SHKBP1: variants seen among roughly 807,000 people sequenced by gnomAD.
SHKBP1 encodes the protein SH3KBP1 binding protein 1, also known as SH3KBP1-binding protein 1.
A neutral mutation model predicts 83.9 loss-of-function variants in SHKBP1; 71 were observed. That is an observed-to-expected ratio of 0.85 (90% confidence interval 0.70 to 1.03). SHKBP1 has a LOEUF of 1.03. Ranked by LOEUF, SHKBP1 falls within the 50% of genes least tolerant of loss-of-function variation. The pLI is 0.00. For synonymous variants in SHKBP1, 371 were observed against 398.0 expected (o/e 0.93, Z 0.81); for missense variants, 824 against 982.4 (o/e 0.84, Z 2.16).
chr19:40,588,833 G>T, intron 14 of SHKBP1, 54 bp downstream of exon 14: 1 of 1,593,026 alleles, frequency 6.3e-7, no homozygotes, highest in Non-Finnish European at 8.5e-7. Flanking sequence ...CCTGACCCCT[G>T]TTGACCTCCG....
chr19:40,583,270 G>A, intron 10 of SHKBP1, 128 bp from the exon 11 acceptor site: 1 of 684,804 alleles, frequency 1.5e-6, no homozygotes, highest in African/African-American at 1.8e-5. Flanking sequence ...GGCCTGGGGT[G>A]GACGGGGCTG....
intron 9 of SHKBP1, 132 bp from the exon 10 acceptor site, chr19:40,582,219 G>A: frequency 1.3e-6 from 1 of 747,736 alleles, no homozygotes; most frequent in South Asian, 1.5e-5. Context: ...ACTGTGCCCA[G>A]CCCCTGATGG....
intron 6 of SHKBP1, among the ~76,000 whole-genome samples, chr19:40,579,701 T>G (rs2081250875): frequency 6.6e-6 from 1 of 152,072 alleles, no homozygotes; most frequent in Non-Finnish European, 1.5e-5. Flanking sequence ...GGCTAGATGC[T>G]ATTGCTTGCC....
Position 40,577,298 on chromosome 19 carries a change from C to T in SHKBP1, c.140+14C>T. 6.2e-7 allele frequency: 1 copy of T among 1,613,962 alleles called. No homozygotes were observed. Among genetic ancestry groups the T allele is most frequent in the East Asian group, 2.2e-5 (1 of 44,862 alleles). On this transcript the variant is annotated intron_variant, in intron 2 of 17. Transcript: ENST00000291842. ...CTTCTTCTCCAGGTGATCGGGAGAG[C>T]GAGTTTGGGGCGAGGGTAGGAGGGA...
In SHKBP1 at chr19:40,590,531, CT is replaced by C; in HGVS notation, c.1768+113del. 2 of 1,377,214 alleles carry C rather than the reference CT, an allele frequency of 1.5e-6. No individual in the cohort carries two copies. The highest frequency in any genetic ancestry group is 2.0e-6 in the Non-Finnish European group (2 of 1,010,944). The allele number at this position is 1,377,214 out of a possible 1,614,324, so 85.3% of individuals were successfully genotyped here. On this transcript the variant is annotated intron_variant, in intron 16 of 17. Coordinates refer to ENST00000291842, the MANE Select transcript of SHKBP1 (RefSeq NM_138392.4). This position sits in a 1 kb window ranked among gnomAD's most constrained non-coding sequence, Gnocchi z 4.6. ...CTCCCAGGCCCTTGCCCTCTGACCC[CT>C]TTTCCTTTGACCCCCTCTCTGCTCC...
chr19:40,582,803 C>T (rs2081281045), intron 10 of SHKBP1, among the ~76,000 whole-genome samples: 1 of 152,014 alleles, frequency 6.6e-6, no homozygotes, highest in Non-Finnish European at 1.5e-5. Flanking sequence ...GTAATCCCAG[C>T]ACTTTGGGAG....
In SHKBP1 at chr19:40,577,545, C is replaced by A. The variant is rs1219178909; in HGVS notation, c.187-12C>A. ...TTTTACCCCATCCATCCTCTGCCCC[C>A]CTTTCCCGCAGATCTTCATCGACAG... is the stretch of plus-strand genomic sequence containing the variant. On this transcript the variant is annotated splice_polypyrimidine_tract_variant and intron_variant, in intron 3 of 17. Transcript: ENST00000291842. The A allele has an allele frequency of 6.2e-7, 1 of 1,613,980 alleles. No individual in the cohort carries two copies. Among genetic ancestry groups the A allele is most frequent in the Non-Finnish European group, 8.5e-7 (1 of 1,180,018 alleles).
Position 40,588,705 on chromosome 19 carries a change from C to G in SHKBP1, c.1418C>G (p.Pro473Arg), listed in dbSNP as rs951358614. 6.2e-7 allele frequency: 1 copy of G among 1,614,180 alleles called. No individual in the cohort carries two copies. The highest frequency in any genetic ancestry group is 8.5e-7 in the Non-Finnish European group (1 of 1,180,030). Residue 473 changes from proline to arginine, a missense_variant, in exon 14 of 18, where the codon CCA becomes CGA. This residue lies in a region of SHKBP1 where 182 missense variants were observed against 273.1 expected (regional missense o/e 0.67). Coordinates refer to ENST00000291842, the MANE Select transcript of SHKBP1 (RefSeq NM_138392.4). ...ATTTCCACCCAGCCCGGCTCCACCC[C>G]ACTCGCTTCCTTTAAGATCCTGGCT... ...GMISTQPGST[P>R]LASFKILALE... is the part of the protein sequence containing the mutation.
chr19:40,586,831 T>A lies in SHKBP1; in HGVS notation c.1223T>A (p.Val408Asp). ...GGCACCAGCTCAGGGGGCGTGCGGG[T>A]CATCGTGCAGCACCCGGAGACTGTG... is the stretch of plus-strand genomic sequence containing the variant. ...AYGTSSGGVR[V>D]IVQHPETVGS... The change falls in exon 13 of 18, where the codon GTC (valine) becomes GAC (aspartate). Residue 408 changes from valine (V) to aspartate (D), a missense_variant. Val to Asp is a radical substitution (Grantham distance 152). Coordinates refer to ENST00000291842, the MANE Select transcript of SHKBP1 (RefSeq NM_138392.4). The A allele has an allele frequency of 3.7e-6, 6 of 1,611,436 alleles. No homozygotes were observed. The highest frequency in any genetic ancestry group is 5.1e-6 in the Non-Finnish European group (6 of 1,178,390).
At position 40,583,380 on chromosome 19, in the gene SHKBP1, G is replaced by A; in HGVS notation, c.961-18G>A. 1 of 1,556,900 alleles carries A rather than the reference G, an allele frequency of 6.4e-7. No individual in the cohort carries two copies. The highest frequency in any genetic ancestry group is 8.7e-7 in the Non-Finnish European group (1 of 1,148,998). The stretch of plus-strand genomic sequence containing the variant: ...ATGGAAGGGCTCCCGGCTGCAGCCT[G>A]TCCTGCCCCACCCCCAGGTCCAGGA... On this transcript the variant is annotated intron_variant, in intron 10 of 17. Coordinates refer to ENST00000291842, the MANE Select transcript of SHKBP1 (RefSeq NM_138392.4).
At chr19:40,589,976 G>A (rs1392933095) in intron 15 of SHKBP1, among the ~76,000 whole-genome samples, 2 of 151,998 alleles carry the variant, frequency 1.3e-5, no homozygotes, top group African/African-American at 4.8e-5. Flanking sequence ...AGGCTGATAG[G>A]AGGTGGGGGA....
intron 4 of SHKBP1, 183 bp from the exon 5 acceptor site, chr19:40,577,970 CA>C: frequency 7.4e-6 from 5 of 676,450 alleles, no homozygotes; most frequent in Non-Finnish European, 1.3e-5. Context: ...CACACACACA[CA>C]CACACACACA....
At position 40,589,180 on chromosome 19, in the gene SHKBP1, TGAGGACAGTCCTGTCCAACAGGGAGG is replaced by T. The variant is rs528660073; in HGVS notation, c.1589+33_1589+58del. ...GCGTCTCTCATCTACTGGGCAGCGG[TGAGGACAGTCCTGTCCAACAGGGAGG>T]GAGGACAGTCCTGTCCAACAGGGAG... On this transcript the variant is annotated splice_donor_5th_base_variant and intron_variant, in intron 15 of 17. Coordinates refer to ENST00000291842, the MANE Select transcript of SHKBP1 (RefSeq NM_138392.4). 0.4 allele frequency: 619,103 copies of T among 1,559,632 alleles called. 134,814 individuals are homozygous for T. Among genetic ancestry groups the T allele is most frequent in the African/African-American group, 0.52 (37,356 of 72,414 alleles).
intron 13 of SHKBP1, 62 bp downstream of exon 13, chr19:40,587,006 GGAGGATGAGAA>G: frequency 6.9e-7 from 1 of 1,457,750 alleles, no homozygotes; most frequent in Non-Finnish European, 9.3e-7. Flanking sequence ...TGTGGAGACA[GGAGGATGAGAA>G]TTTCCACTGG....
intron 15 of SHKBP1, among the ~76,000 whole-genome samples, chr19:40,589,694 GAGC>G (rs2081341906): frequency 6.6e-6 from 1 of 151,962 alleles, no homozygotes. Flanking sequence ...AAGTAGGAAG[GAGC>G]AGAAGAAAGA....
rs564532408 is a variant in SHKBP1, at chr19:40,581,003, C to T, written c.844+67C>T. 36 of 1,429,084 alleles carry T rather than the reference C, an allele frequency of 2.5e-5. No homozygotes were observed. In the African/African-American group the frequency reaches 4.4e-4, roughly 18 times the overall value. 88.5% of individuals were successfully genotyped at this position (1,429,084 alleles called of 1,614,324 possible). A position where few individuals can be genotyped will look rare whatever the true frequency, so the allele number is the denominator to read the frequency against. The stretch of plus-strand genomic sequence containing the variant: ...TTCTACTGCCTGTTAAAATGACCCA[C>T]CCCATAAAATCCTCAAACCCATAAG... On this transcript the variant is annotated intron_variant, in intron 9 of 17. Transcript: ENST00000291842.
rs199869901 is a variant in SHKBP1 at position 40,585,107 on chromosome 19, C to CT, written c.1165+1396dup. ...TGTATGGTGTGAAGCAGGGATTATT[C>CT]TTTTTTAAAAAAAAATAGAGACAGG... On this transcript the variant is annotated intron_variant, in intron 12 of 17. Transcript: ENST00000291842. 1.1e-3 allele frequency among the ~76,000 whole-genome samples: 166 copies of CT among 151,518 alleles called. 1 individual carries two copies. In the East Asian group the frequency reaches 0.03, roughly 28 times the overall value.
Position 40,580,470 on chromosome 19 carries a change from C to T in SHKBP1, c.547C>T (p.Pro183Ser), listed in dbSNP as rs1198025192. Residue 183 changes from proline to serine, a missense_variant, in exon 7 of 18, where the codon CCT (proline) becomes TCT (serine). Pro to Ser is a moderately conservative substitution (Grantham distance 74, BLOSUM62 -1). Coordinates refer to ENST00000291842, the MANE Select transcript of SHKBP1 (RefSeq NM_138392.4). ...LLGRMLDEKT[P>S]PSPSGQPEEP... ...GGGCCGAATGCTGGATGAGAAAACC[C>T]CTCCCTCACCCTCAGGTACGTTTCT... 1.9e-6 allele frequency: 3 copies of T among 1,611,540 alleles called. No homozygotes were observed. In the South Asian group the frequency reaches 3.3e-5, roughly 18 times the overall value.
intron 10 of SHKBP1, among the ~76,000 whole-genome samples, chr19:40,583,044 C>G (rs1568390622): frequency 6.6e-6 from 1 of 152,040 alleles, no homozygotes. Flanking sequence ...TGCAGTGACT[C>G]CCGCCCGTAA....
Sources: gnomAD v4.1 joint callset for allele counts (sites outside exome capture counted in the v4.1 genomes callset) on GRCh38, gnomAD v4.1.1 for gene constraint, gnomAD v4.1.1 regional missense constraint, Gnocchi (gnomAD v3.1) non-coding constraint, MANE v1.5 for transcripts, NCBI Gene and HGNC (gene_info 2026-07-23, HGNC 2026-07-21) for gene names.